Variants in AKAP13 observed in about 807,000 individuals in gnomAD.
AKAP13 encodes A-kinase anchor protein 13.
Under a neutral mutation model 264.5 loss-of-function variants are expected in AKAP13, and 80 were observed. That is an observed-to-expected ratio of 0.30 (90% confidence interval 0.25 to 0.36). The LOEUF is 0.36. Ranked by LOEUF, AKAP13 falls within the 10% of genes least tolerant of loss-of-function variation. The pLI, the probability that AKAP13 is intolerant of heterozygous loss-of-function variation, is 1.00. For synonymous variants in AKAP13, 1,380 were observed against 1,250.2 expected, an observed-to-expected ratio of 1.10 and a Z score of -2.19; for missense variants, 3,712 against 3,435.2, an observed-to-expected ratio of 1.08 and a Z score of -2.01.
rs575956444 is a variant in AKAP13 at position 85,573,126 on chromosome 15, C to G, written c.663-2005C>G. 2.4e-4 allele frequency among the ~76,000 whole-genome samples: 36 copies of G among 152,268 alleles called. 1 individual carries two copies. The highest frequency in any genetic ancestry group is 8.2e-4 in the African/African-American group (34 of 41,544). On this transcript the variant is annotated intron_variant, in intron 5 of 36. Transcript: ENST00000394518. The stretch of plus-strand genomic sequence containing the variant: ...AAACTGGAGAGACAGTTGAAGTAAT[C>G]TTTCTCATATTTTTCAGTGGCTAGA...
At chr15:85,447,219 A>T (rs937893454) in intron 1 of AKAP13, among the ~76,000 whole-genome samples, 6 of 152,184 alleles carry the variant, frequency 3.9e-5, no homozygotes, top group Non-Finnish European at 8.8e-5. Context: ...GTGAGCTGAG[A>T]TTGCACCAGT....
chr15:85,620,051 A>C (rs1361827565), intron 8 of AKAP13: 2 of 1,535,768 alleles, frequency 1.3e-6, no homozygotes, highest in African/African-American at 2.7e-5. Context: ...CAGTGGATAT[A>C]CTTCCTGCAT....
chr15:85,579,345 G>T lies in AKAP13; in HGVS notation c.1277G>T (p.Gly426Val). The T allele has an allele frequency of 6.2e-7, 1 of 1,614,206 alleles. No individual in the cohort carries two copies. The highest frequency in any genetic ancestry group is 8.5e-7 in the Non-Finnish European group (1 of 1,180,040). ...SSCGNRNEET[G>V]TKSSGMPTDQ... Reference sequence around the variant, plus strand: ...TGTGGAAACAGAAATGAAGAAACTGGAACAAAATCTTCTGGAATGCCCACA... The same window carrying T: ...TGTGGAAACAGAAATGAAGAAACTGTAACAAAATCTTCTGGAATGCCCACA... The change falls in exon 7 of 37, where the codon GGA becomes GTA. Residue 426 changes from glycine to valine, a missense_variant. Around this residue, in one of 3 missense-constraint regions of AKAP13, gnomAD observed 2,759 missense variants for 2,411.7 expected, o/e 1.14. Transcript: ENST00000394518.
intron 11 of AKAP13, among the ~76,000 whole-genome samples, chr15:85,657,815 G>T (rs562302769): frequency 3.3e-5 from 5 of 151,338 alleles, no homozygotes; most frequent in African/African-American, 1.2e-4. Context: ...TTTTTGGCAG[G>T]ACAGTCTTAT....
chr15:85,730,765 A>G, intron 30 of AKAP13, 58 bp downstream of exon 30: 1 of 1,444,750 alleles, frequency 6.9e-7, no homozygotes, highest in Non-Finnish European at 9.4e-7. Flanking sequence ...TTTACACACT[A>G]ATATTACCTG....
intron 35 of AKAP13, among the ~76,000 whole-genome samples, chr15:85,742,810 AAG>A (rs2089133353): frequency 1.3e-5 from 2 of 152,272 alleles, no homozygotes; most frequent in South Asian, 4.2e-4. Flanking sequence ...TGGACCACGA[AAG>A]AAAATTATAC....
chr15:85,517,193 A>T (rs1012329069), intron 2 of AKAP13, among the ~76,000 whole-genome samples: 13 of 152,164 alleles, frequency 8.5e-5, no homozygotes, highest in African/African-American at 3.1e-4. Flanking sequence ...CATCAGTGCC[A>T]TCCTGTCTTT....
chr15:85,534,355 A>G (rs912755434), intron 4 of AKAP13: 1 of 166,282 alleles, frequency 6.0e-6, no homozygotes, highest in South Asian at 1.9e-4. Flanking sequence ...CACTTCCTTA[A>G]CCAGGTTAGT....
intron 10 of AKAP13, among the ~76,000 whole-genome samples, chr15:85,649,611 G>A (rs916641831): frequency 6.6e-6 from 1 of 152,178 alleles, no homozygotes; most frequent in Admixed American, 6.5e-5. Flanking sequence ...GTCTTTAACA[G>A]CCCGTAACGT....
intron 1 of AKAP13, among the ~76,000 whole-genome samples, chr15:85,418,841 A>G (rs1041360747): frequency 6.6e-5 from 10 of 152,352 alleles, no homozygotes; most frequent in Middle Eastern, 3.4e-3. Context: ...AATAATAAAG[A>G]CCACAAGTGG....
At chr15:85,714,721 C>T (rs766430366) in intron 19 of AKAP13, among the ~76,000 whole-genome samples, 5 of 152,218 alleles carry the variant, frequency 3.3e-5, no homozygotes, top group Non-Finnish European at 7.3e-5. Flanking sequence ...GTAATCCCAG[C>T]ACTTTGGGAG....
chr15:85,707,098 GT>G (rs1304011607), intron 17 of AKAP13, among the ~76,000 whole-genome samples: 1 of 152,194 alleles, frequency 6.6e-6, no homozygotes, highest in Non-Finnish European at 1.5e-5. Flanking sequence ...GGTATCTGTG[GT>G]TGATTTCCTG....
Position 85,623,642 on chromosome 15 carries a change from C to A in AKAP13, c.4162-15732C>A, listed in dbSNP as rs553970287. Reference sequence around the variant, plus strand: ...ATCAGCTCTTCTGTCCCATCATCAACCCCCAATGCCTCTGAAATATTACCT... The same window carrying A: ...ATCAGCTCTTCTGTCCCATCATCAAACCCCAATGCCTCTGAAATATTACCT... On this transcript the variant is annotated intron_variant, in intron 8 of 36. Transcript: ENST00000394518. Among the ~76,000 whole-genome samples, 31 of 152,326 alleles carry A rather than the reference C, an allele frequency of 2.0e-4. No homozygotes were observed. The East Asian group carries it at 5.4e-3, about 27-fold the overall frequency.
At chr15:85,681,046 G>A (rs1405612641) in intron 14 of AKAP13, among the ~76,000 whole-genome samples, 1 of 152,162 alleles carries the variant, frequency 6.6e-6, no homozygotes, top group Non-Finnish European at 1.5e-5. Flanking sequence ...TTAAACTCCT[G>A]ACCTCAAGTG....
intron 1 of AKAP13, among the ~76,000 whole-genome samples, chr15:85,393,206 C>T (rs1468939347): frequency 6.6e-6 from 1 of 152,194 alleles, no homozygotes; most frequent in African/African-American, 2.4e-5. Context: ...ATGCTTTGTA[C>T]ACAGAGTGTA....
intron 1 of AKAP13, among the ~76,000 whole-genome samples, chr15:85,407,581 G>A (rs567944678): frequency 1.3e-5 from 2 of 151,560 alleles, no homozygotes; most frequent in African/African-American, 4.9e-5. Context: ...TGCCAGGCCT[G>A]GGTTGAGGAG....
intron 3 of AKAP13, among the ~76,000 whole-genome samples, chr15:85,529,880 CCAAA>C (rs988562719): frequency 1.3e-5 from 2 of 152,150 alleles, no homozygotes; most frequent in Non-Finnish European, 2.9e-5. Flanking sequence ...TCTAATCGTA[CCAAA>C]CAAATTCCAG....
chr15:85,423,468 A>G (rs2072622446), intron 1 of AKAP13, among the ~76,000 whole-genome samples: 1 of 152,252 alleles, frequency 6.6e-6, no homozygotes, highest in Admixed American at 6.5e-5. Context: ...CTTAAGAAGC[A>G]ACCTGCCATC....
intron 2 of AKAP13, among the ~76,000 whole-genome samples, chr15:85,521,079 T>G (rs1035777774): frequency 7.2e-5 from 11 of 152,232 alleles, no homozygotes; most frequent in African/African-American, 2.2e-4. Context: ...CTCTGCCTTA[T>G]TTTTGGATTT....
Sources: allele counts gnomAD v4.1 joint callset (sites outside exome capture counted in the v4.1 genomes callset), GRCh38; gene constraint gnomAD v4.1.1; regional missense constraint gnomAD v4.1.1; transcripts MANE v1.5; gene names NCBI Gene and HGNC (gene_info 2026-07-23, HGNC 2026-07-21).